The following CCNYL1 variants were observed in gnomAD, a reference collection of about 807,000 sequenced individuals.
CCNYL1 encodes the protein cyclin-Y-like protein 1.
Under a neutral mutation model 44.2 loss-of-function variants are expected in CCNYL1, and 16 were observed. That is an observed-to-expected ratio of 0.36 (90% confidence interval 0.25 to 0.55). CCNYL1 has a LOEUF of 0.55. Ranked by LOEUF, CCNYL1 falls within the 20% of genes least tolerant of loss-of-function variation. CCNYL1 has a pLI of 0.85. For missense variants in CCNYL1, 348 were observed against 451.8 expected (o/e 0.77, Z 2.08); for synonymous variants, 159 against 163.2 (o/e 0.97, Z 0.20).
intron 8 of CCNYL1, among the ~76,000 whole-genome samples, chr2:207,749,821 T>C (rs2091879049): frequency 1.3e-5 from 2 of 152,246 alleles, no homozygotes; most frequent in Admixed American, 6.5e-5. Context: ...TCTGCTCATA[T>C]TAACTGCTCT....
chr2:207,749,812 C>T (rs1220113719), intron 8 of CCNYL1, among the ~76,000 whole-genome samples: 1 of 152,196 alleles, frequency 6.6e-6, no homozygotes, highest in Non-Finnish European at 1.5e-5. Context: ...AACCACATCT[C>T]TGCTCATATT....
intron 3 of CCNYL1, among the ~76,000 whole-genome samples, chr2:207,728,195 C>G (rs1416617721): frequency 1.3e-5 from 2 of 152,206 alleles, no homozygotes; most frequent in Admixed American, 6.5e-5. Context: ...AACTCCTGAC[C>G]TCAGGTGATC....
intron 1 of CCNYL1, among the ~76,000 whole-genome samples, chr2:207,723,256 AT>A (rs561819310): frequency 3.3e-5 from 5 of 152,202 alleles, no homozygotes; most frequent in Non-Finnish European, 7.3e-5. Context: ...TTCATAATTC[AT>A]TTTAACCAGG....
intron 2 of CCNYL1, among the ~76,000 whole-genome samples, 165 bp from the exon 3 acceptor site, chr2:207,726,677 A>T (rs369892601): frequency 2.6e-5 from 4 of 152,180 alleles, no homozygotes; most frequent in African/African-American, 9.7e-5. Context: ...ATTTTATTTT[A>T]TGGGATTCAT....
chr2:207,722,961 G>GA (rs78215971), intron 1 of CCNYL1, among the ~76,000 whole-genome samples: 1,492 of 139,538 alleles, frequency 0.011, 15 homozygotes, highest in African/African-American at 0.031. Flanking sequence ...TCTTCTCTCG[G>GA]AAAAAAAAAA....
At chr2:207,725,091 A>T (rs1197618298) in intron 2 of CCNYL1, among the ~76,000 whole-genome samples, 1 of 150,976 alleles carries the variant, frequency 6.6e-6, no homozygotes, top group Non-Finnish European at 1.5e-5. Flanking sequence ...CCTTTTTATA[A>T]CACAATTAAT....
At chr2:207,743,819 TTTTTGTTTTTG>T in intron 7 of CCNYL1, among the ~76,000 whole-genome samples, 1 of 151,070 alleles carries the variant, frequency 6.6e-6, no homozygotes, top group Admixed American at 6.6e-5. Context: ...TTTGTTTTTG[TTTTTGTTTTTG>T]TTTTGTTTTG....
chr2:207,727,011 A>G (rs531089943), intron 3 of CCNYL1, 135 bp downstream of exon 3: 59 of 557,254 alleles, frequency 1.1e-4, no homozygotes, highest in African/African-American at 9.9e-4. Context: ...AATCATTTCT[A>G]TTTTGCTGAG....
intron 1 of CCNYL1, 106 bp downstream of exon 1, chr2:207,712,222 A>T: frequency 4.3e-6 from 4 of 923,316 alleles, no homozygotes; most frequent in Non-Finnish European, 1.6e-6. Context: ...TCCTGCCGGT[A>T]GCCGGCCCCG....
chr2:207,730,816 ATAT>A (rs1384385867), intron 3 of CCNYL1, among the ~76,000 whole-genome samples: 2 of 152,100 alleles, frequency 1.3e-5, no homozygotes, highest in Non-Finnish European at 1.5e-5. Context: ...ACAAATGGAA[ATAT>A]TATCTGCTGT....
At chr2:207,740,198 A>G (rs1273054401) in intron 5 of CCNYL1, among the ~76,000 whole-genome samples, 1 of 152,214 alleles carries the variant, frequency 6.6e-6, no homozygotes, top group Non-Finnish European at 1.5e-5. Flanking sequence ...TAACTCATCA[A>G]ACTACTTAAA....
chr2:207,734,229 T>C (rs2091748566), intron 4 of CCNYL1, among the ~76,000 whole-genome samples, 182 bp downstream of exon 4: 2 of 152,232 alleles, frequency 1.3e-5, no homozygotes, highest in African/African-American at 4.8e-5. Context: ...TGTTTTAATC[T>C]TAGGCTGCAT....
rs953106548 is a variant in CCNYL1, at chr2:207,754,201, G to C, written c.*503G>C. 7.8e-6 allele frequency: 1 copy of C among 128,466 alleles called. No homozygotes were observed. The highest frequency in any genetic ancestry group is 1.6e-5 in the Non-Finnish European group (1 of 61,554). 8.0% of individuals were successfully genotyped at this position (128,466 alleles called of 1,614,324 possible). On this transcript the variant is annotated 3_prime_UTR_variant, in exon 10 of 10. Transcript: ENST00000295414. ...GACAGCAGCGTTGTTAGGTACTGAA[G>C]GGTTCTTCCTCCCTACTGTTACCAT... is the stretch of plus-strand genomic sequence containing the variant.
chr2:207,730,667 A>G (rs1450989452), intron 3 of CCNYL1, among the ~76,000 whole-genome samples: 3 of 152,154 alleles, frequency 2.0e-5, no homozygotes, highest in Non-Finnish European at 1.5e-5. Context: ...CTGAGGCAGG[A>G]GAATTGCTTG....
At chr2:207,745,201 T>C (rs1310784023) in intron 7 of CCNYL1, among the ~76,000 whole-genome samples, 4 of 151,938 alleles carry the variant, frequency 2.6e-5, no homozygotes, top group African/African-American at 7.2e-5. Context: ...GGGAGGGGGA[T>C]GGGAACAAAG....
chr2:207,739,649 A>G (rs1211789648), intron 5 of CCNYL1, among the ~76,000 whole-genome samples: 3 of 152,158 alleles, frequency 2.0e-5, no homozygotes, highest in South Asian at 2.1e-4. Context: ...ACACAACTCT[A>G]CCTCGGTATG....
At chr2:207,743,532 T>A (rs2091827657) in intron 7 of CCNYL1, among the ~76,000 whole-genome samples, 1 of 152,128 alleles carries the variant, frequency 6.6e-6, no homozygotes, top group Admixed American at 6.6e-5. Flanking sequence ...GGAGGATCAC[T>A]TGAGTGCAGT....
At chr2:207,751,683 C>A (rs994446844) in intron 9 of CCNYL1, among the ~76,000 whole-genome samples, 1 of 151,990 alleles carries the variant, frequency 6.6e-6, no homozygotes, top group African/African-American at 2.4e-5. Context: ...GGAGAAACCC[C>A]GTCTCTACTA....
At chr2:207,712,797 T>TG (rs2091561756) in intron 1 of CCNYL1, among the ~76,000 whole-genome samples, 1 of 151,978 alleles carries the variant, frequency 6.6e-6, no homozygotes, top group African/African-American at 2.4e-5. Context: ...GTGTGAGAGG[T>TG]TATTACCAGG....
Sources: gnomAD v4.1 joint callset for allele counts (sites outside exome capture counted in the v4.1 genomes callset) on GRCh38, gnomAD v4.1.1 for gene constraint, MANE v1.5 for transcripts, NCBI Gene and HGNC (gene_info 2026-07-23, HGNC 2026-07-21) for gene names.